Variants in RNF138 observed in about 807,000 individuals in gnomAD.
The protein encoded by RNF138 is ring finger protein 138, also known as E3 ubiquitin-protein ligase RNF138.
In RNF138, 12 loss-of-function variants were observed where a neutral mutation model predicts 31.0. The observed-to-expected ratio is 0.39, with a 90% CI of 0.25 to 0.63. The LOEUF (loss-of-function observed/expected upper bound fraction) is 0.63. Among genes scored for constraint, RNF138 ranks in the 20% least tolerant of loss-of-function variants. The probability of loss-of-function intolerance (pLI) is 0.52; values close to 1 mark genes in which losing one functional copy is unlikely to be tolerated. For synonymous variants in RNF138, 105 were observed against 99.5 expected (o/e 1.06, Z -0.33); for missense variants, 192 against 300.1 (o/e 0.64, Z 2.66).
rs2040359686 is a variant in RNF138 at position 32,124,840 on chromosome 18, C to T, written c.556C>T (p.Pro186Ser). The change falls in exon 6 of 8, where the codon CCT becomes TCT. Residue 186 changes from proline to serine, a missense_variant. Pro to Ser is a moderately conservative substitution (Grantham distance 74). This residue lies in a region of RNF138 where 140 missense variants were observed against 251.7 expected (regional missense o/e 0.56). Transcript: ENST00000261593. Reference sequence around the variant, plus strand: ...CAGTAATCACCTATTTCAGATAGTTCCTGTGGTAAGTACATACGTTTGAGA... The same window carrying T: ...CAGTAATCACCTATTTCAGATAGTTTCTGTGGTAAGTACATACGTTTGAGA... ...CNSNHLFQIV[P>S]VTCPICVSLP... 2.0e-6 allele frequency: 3 copies of T among 1,482,392 alleles called. No individual in the cohort carries two copies. The highest frequency in any genetic ancestry group is 2.8e-5 in the African/African-American group (2 of 72,198). The allele number at this position is 1,482,392 out of a possible 1,614,324, so 91.8% of individuals were successfully genotyped here. A position where few individuals can be genotyped will look rare whatever the true frequency, so the allele number is the denominator to read the frequency against.
At chr18:32,100,414 T>C (rs1385974772) in intron 2 of RNF138, among the ~76,000 whole-genome samples, 1 of 150,860 alleles carries the variant, frequency 6.6e-6, no homozygotes, top group Non-Finnish European at 1.5e-5. Flanking sequence ...AATCCCCCTT[T>C]AGCCTTCCCA....
intron 4 of RNF138, among the ~76,000 whole-genome samples, chr18:32,115,713 C>G (rs913940401): frequency 2.0e-5 from 3 of 152,168 alleles, no homozygotes; most frequent in Non-Finnish European, 2.9e-5. Context: ...TCACTGCACT[C>G]TAGCCTGGGC....
Position 32,131,027 on chromosome 18 carries a change from T to TTAA in RNF138, c.*1843_*1845dup, listed in dbSNP as rs1459365391. On this transcript the variant is annotated 3_prime_UTR_variant, in exon 8 of 8. Coordinates refer to ENST00000261593, the MANE Select transcript of RNF138 (RefSeq NM_016271.5). ...TAAACCATTCTGGGATTTGCAAAGT[T>TTAA]TAATACATCCAATATGTCAAGTTAA... 1 of 151,436 alleles carries TTAA rather than the reference T, an allele frequency of 6.6e-6. No individual in the cohort carries two copies. The highest frequency in any genetic ancestry group is 1.5e-5 in the Non-Finnish European group (1 of 67,684). 9.4% of individuals were successfully genotyped at this position (151,436 alleles called of 1,614,324 possible). A position where few individuals can be genotyped will look rare whatever the true frequency, so the allele number is the denominator to read the frequency against.
chr18:32,117,094 G>T (rs1360359285), intron 4 of RNF138, among the ~76,000 whole-genome samples: 1 of 149,276 alleles, frequency 6.7e-6, no homozygotes, highest in Non-Finnish European at 1.5e-5. Flanking sequence ...TAGAGATGGG[G>T]TTTCACCATA....
chr18:32,122,742 C>T (rs1279744995), intron 4 of RNF138, among the ~76,000 whole-genome samples: 1 of 152,028 alleles, frequency 6.6e-6, no homozygotes, highest in Non-Finnish European at 1.5e-5. Context: ...AAAAATTGCT[C>T]GAACCCAGGA....
chr18:32,110,259 C>T (rs2040104679), intron 2 of RNF138, among the ~76,000 whole-genome samples: 1 of 152,154 alleles, frequency 6.6e-6, no homozygotes, highest in African/African-American at 2.4e-5. Flanking sequence ...TCCCAAAGCA[C>T]TGGGATTATA....
intron 4 of RNF138, 143 bp from the exon 5 acceptor site, chr18:32,123,375 A>T: frequency 2.1e-6 from 1 of 481,130 alleles, no homozygotes; most frequent in Non-Finnish European, 3.6e-6. Context: ...TTTTTCAAGG[A>T]CCCAATAGGA....
At chr18:32,127,607 A>G (rs1028306561) in intron 7 of RNF138, among the ~76,000 whole-genome samples, 12 of 152,226 alleles carry the variant, frequency 7.9e-5, no homozygotes, top group African/African-American at 2.9e-4. Context: ...TCAAAATAAA[A>G]ATTCAAATAT....
At chr18:32,092,589 G>T in intron 1 of RNF138, 111 bp from the exon 2 acceptor site, 1 of 578,966 alleles carries the variant, frequency 1.7e-6, no homozygotes, top group South Asian at 2.0e-5. Context: ...TGCCCGGCGC[G>T]TGCGGCAGTA....
rs1226018611 is a variant in RNF138, at chr18:32,106,350, C to G, written c.111-5404C>G. On this transcript the variant is annotated intron_variant, in intron 2 of 7. Transcript: ENST00000261593. ...TATATCAGAAATGCCTTAAGTGATA[C>G]AAAATGATTTAATATCCAGAAGATG... Among the ~76,000 whole-genome samples the G allele has an allele frequency of 3.9e-5, 6 of 152,104 alleles. No homozygotes were observed. The East Asian group carries it at 1.2e-3, about 29-fold the overall frequency.
At chr18:32,115,367 C>A (rs1330426523) in intron 4 of RNF138, among the ~76,000 whole-genome samples, 1 of 152,194 alleles carries the variant, frequency 6.6e-6, no homozygotes, top group East Asian at 1.9e-4. Flanking sequence ...CTCACTCGAA[C>A]TATGATAATA....
intron 7 of RNF138, among the ~76,000 whole-genome samples, chr18:32,127,446 C>T (rs1196633469): frequency 6.6e-6 from 1 of 152,068 alleles, no homozygotes; most frequent in African/African-American, 2.4e-5. Context: ...TAAGATTAGT[C>T]CTGACAAAGA....
chr18:32,116,532 A>T (rs1427079548), intron 4 of RNF138, among the ~76,000 whole-genome samples: 318 of 135,630 alleles, frequency 2.3e-3, no homozygotes, highest in African/African-American at 4.7e-3. Context: ...TTTTTTTTTT[A>T]AATTTTTAAA....
chr18:32,102,791 C>A lies in RNF138; in HGVS notation c.111-8963C>A, dbSNP rs76123091. Among the ~76,000 whole-genome samples the A allele has an allele frequency of 7.8e-4, 119 of 152,084 alleles. 1 individual carries two copies. In the East Asian group the frequency reaches 0.022, roughly 28 times the overall value. Reference sequence around the variant, plus strand: ...GGGATTACAGGTGCGCAACACCACGCCCAGCTAATTTTTATTTTCAGTAGA... The same window carrying A: ...GGGATTACAGGTGCGCAACACCACGACCAGCTAATTTTTATTTTCAGTAGA... On this transcript the variant is annotated intron_variant, in intron 2 of 7. Coordinates refer to ENST00000261593, the MANE Select transcript of RNF138 (RefSeq NM_016271.5).
chr18:32,098,969 AATAG>A (rs961348552), intron 2 of RNF138, among the ~76,000 whole-genome samples: 13 of 151,812 alleles, frequency 8.6e-5, no homozygotes, highest in African/African-American at 2.4e-4. Context: ...CGACTCGGAA[AATAG>A]ATAGACTAAG....
intron 2 of RNF138, among the ~76,000 whole-genome samples, chr18:32,111,445 C>T (rs1305771724): frequency 6.6e-6 from 1 of 152,136 alleles, no homozygotes; most frequent in African/African-American, 2.4e-5. Context: ...TCCGGTTTTT[C>T]CTTTGTACCA....
chr18:32,092,971 C>T, intron 2 of RNF138, 85 bp downstream of exon 2: 3 of 723,334 alleles, frequency 4.1e-6, no homozygotes, highest in South Asian at 4.7e-5. Flanking sequence ...TGCCGCCTGG[C>T]GGGAACCGAG....
intron 2 of RNF138, among the ~76,000 whole-genome samples, chr18:32,098,288 G>T (rs2039851291): frequency 6.6e-6 from 1 of 152,010 alleles, no homozygotes; most frequent in Admixed American, 6.6e-5. Context: ...TTACAGGTGT[G>T]AGCCACTGCG....
At position 32,092,618 on chromosome 18, in the gene RNF138, C is replaced by T. The variant is rs564198471; in HGVS notation, c.-77-82C>T. 1.3e-5 allele frequency: 8 copies of T among 618,530 alleles called. No homozygotes were observed. In the South Asian group the frequency reaches 1.4e-4, roughly 11 times the overall value. The allele number at this position is 618,530 out of a possible 1,614,324, so 38.3% of individuals were successfully genotyped here. ...GGCAGTAGCGTCTCTGCGTTCGGCC[C>T]CGCCCTACCCAGGGCCCCGCCCCCT... is the stretch of plus-strand genomic sequence containing the variant. On this transcript the variant is annotated intron_variant, in intron 1 of 7. Coordinates refer to ENST00000261593, the MANE Select transcript of RNF138 (RefSeq NM_016271.5).
Sources: gnomAD v4.1 joint callset for allele counts (sites outside exome capture counted in the v4.1 genomes callset) on GRCh38, gnomAD v4.1.1 for gene constraint, gnomAD v4.1.1 regional missense constraint, MANE v1.5 for transcripts, NCBI Gene and HGNC (gene_info 2026-07-23, HGNC 2026-07-21) for gene names.